AZI2: variants seen among roughly 807,000 people sequenced by gnomAD.
The protein encoded by AZI2 is 5-azacytidine induced 2, also known as 5-azacytidine-induced protein 2.
A neutral mutation model predicts 45.8 loss-of-function variants in AZI2; 22 were observed. The ratio of observed to expected loss-of-function variants is 0.48; its 90% confidence interval spans 0.34 to 0.69. The LOEUF is 0.69. Ranked by LOEUF, AZI2 falls within the 30% of genes least tolerant of loss-of-function variation. The pLI, the probability that AZI2 is intolerant of heterozygous loss-of-function variation, is 0.01. For missense variants in AZI2, 417 were observed against 441.5 expected (o/e 0.94, Z 0.50); for synonymous variants, 137 against 156.7 (o/e 0.87, Z 0.94).
chr3:28,345,782 C>T (rs1030039626), intron 1 of AZI2, among the ~76,000 whole-genome samples: 3 of 152,014 alleles, frequency 2.0e-5, no homozygotes, highest in Admixed American at 6.6e-5. Context: ...TCATATGCTA[C>T]GTATGTCAAA....
intron 5 of AZI2, among the ~76,000 whole-genome samples, chr3:28,335,609 C>G (rs1466033445): frequency 6.6e-6 from 1 of 151,896 alleles, no homozygotes; most frequent in Non-Finnish European, 1.5e-5. Flanking sequence ...ATTCATTTGG[C>G]CAAGGACTAG....
chr3:28,332,507 A>G, intron 5 of AZI2, 80 bp from the exon 6 acceptor site: 1 of 1,211,470 alleles, frequency 8.3e-7, no homozygotes, highest in Non-Finnish European at 1.2e-6. Context: ...CTTACCAGAG[A>G]CATGTTCAGG....
At position 28,337,995 on chromosome 3, in the gene AZI2, C is replaced by T; in HGVS notation, c.381G>A (p.Gln127=). 1 of 1,598,942 alleles carries T rather than the reference C, an allele frequency of 6.3e-7. No individual in the cohort carries two copies. The highest frequency in any genetic ancestry group is 8.5e-7 in the Non-Finnish European group (1 of 1,171,886). ...NSESLKVLNE[Q]LQSKEVELLQ... is the part of the protein sequence containing the mutation. ...GGAGTTCTACTTCTTTAGATTGTAG[C>T]TGCTCATTCAATACTTTCAAAGATT... Residue 127 remains glutamine, a synonymous_variant, in exon 4 of 8, where the codon CAG becomes CAA. Coordinates refer to ENST00000479665, the MANE Select transcript of AZI2 (RefSeq NM_022461.5).
At chr3:28,342,068 C>A (rs1424235888) in intron 1 of AZI2, among the ~76,000 whole-genome samples, 1 of 152,066 alleles carries the variant, frequency 6.6e-6, no homozygotes, top group African/African-American at 2.4e-5. Flanking sequence ...TTTAACATTT[C>A]TTTTGCCTTA....
At chr3:28,345,407 G>C (rs571102824) in intron 1 of AZI2, among the ~76,000 whole-genome samples, 1 of 152,134 alleles carries the variant, frequency 6.6e-6, no homozygotes, top group African/African-American at 2.4e-5. Flanking sequence ...ATATAGTGGG[G>C]TGTTAAATAA....
chr3:28,324,500 G>C, intron 7 of AZI2, 46 bp from the exon 8 acceptor site: 1 of 1,393,850 alleles, frequency 7.2e-7, no homozygotes, highest in African/African-American at 1.4e-5. Flanking sequence ...TTACATTTGT[G>C]ATCATAAAAT....
intron 1 of AZI2, among the ~76,000 whole-genome samples, chr3:28,346,684 T>G (rs918541063): frequency 6.6e-6 from 1 of 152,140 alleles, no homozygotes; most frequent in Non-Finnish European, 1.5e-5. Context: ...CCGAACCTAT[T>G]TCGTACAATC....
chr3:28,344,764 A>C (rs1024592806), intron 1 of AZI2, among the ~76,000 whole-genome samples: 5 of 152,130 alleles, frequency 3.3e-5, no homozygotes, highest in African/African-American at 1.2e-4. Context: ...ATGCTCTTAA[A>C]ATAATAAATC....
At position 28,323,189 on chromosome 3, in the gene AZI2, CTT is replaced by C. The variant is rs1217987096; in HGVS notation, c.*851_*852del. ...CACAATGTGCAGCTAGCTGTAGTCT[CTT>C]TGAAGAAAATGACTTTTTATCATTA... On this transcript the variant is annotated 3_prime_UTR_variant, in exon 8 of 8. Transcript: ENST00000479665. 4 of 151,000 alleles carry C rather than the reference CTT, an allele frequency of 2.6e-5. No homozygotes were observed. Among genetic ancestry groups the C allele is most frequent in the South Asian group, 2.1e-4 (1 of 4,826 alleles). 9.4% of individuals were successfully genotyped at this position (151,000 alleles called of 1,614,324 possible).
intron 7 of AZI2, among the ~76,000 whole-genome samples, chr3:28,325,579 T>C (rs779013885): frequency 5.3e-5 from 8 of 151,154 alleles, no homozygotes; most frequent in South Asian, 2.1e-4. Flanking sequence ...AGAAAACTTA[T>C]GTTCCAAAGC....
chr3:28,330,017 T>C (rs975523369), intron 6 of AZI2, among the ~76,000 whole-genome samples: 13 of 151,288 alleles, frequency 8.6e-5, no homozygotes, highest in Non-Finnish European at 1.3e-4. Context: ...TCTTTTTTTT[T>C]CTAAACCTGG....
chr3:28,344,597 T>C (rs1032857294), intron 1 of AZI2, among the ~76,000 whole-genome samples: 1 of 152,064 alleles, frequency 6.6e-6, no homozygotes, highest in African/African-American at 2.4e-5. Context: ...TGTGTGTGTG[T>C]ATCCAAATCA....
At chr3:28,342,501 T>A (rs1476581241) in intron 1 of AZI2, among the ~76,000 whole-genome samples, 1 of 152,072 alleles carries the variant, frequency 6.6e-6, no homozygotes, top group Non-Finnish European at 1.5e-5. Flanking sequence ...TTTCTCCTAA[T>A]GATGAAAAGT....
chr3:28,340,234 T>C (rs1480292891), intron 2 of AZI2, among the ~76,000 whole-genome samples, 168 bp downstream of exon 2: 2 of 152,108 alleles, frequency 1.3e-5, no homozygotes, highest in African/African-American at 4.8e-5. Flanking sequence ...GTACATGGTA[T>C]GTGAAACACA....
rs1703293414 is a variant in AZI2 at position 28,324,200 on chromosome 3, T to G, written c.1021A>C (p.Arg341=). The G allele has an allele frequency of 6.2e-7, 1 of 1,610,688 alleles. No homozygotes were observed. Among genetic ancestry groups the G allele is most frequent in the South Asian group, 1.1e-5 (1 of 91,006 alleles). Residue 341 remains arginine (R), a synonymous_variant, in exon 8 of 8, where the codon AGA becomes CGA. Transcript: ENST00000479665. ...CAGGAATTGTCTTCCAGAGAATTTC[T>G]GCCATAAGAACTGTGTTCCTGAAAG... ...TCFQEHSSYG[R]NSLEDNSWVF... is the part of the protein sequence containing the mutation.
rs375219835 is a variant in AZI2, at chr3:28,338,613, T to C, written c.219A>G (p.Leu73=). The part of the protein sequence containing the change: ...KKRIRFLEEK[L]IARFEEETSS... The stretch of plus-strand genomic sequence containing the variant: ...TTGTTTCTTCTTCAAATCGAGCTAT[T>C]AGCTAACGGTATGAAATTAGAAGAG... The change falls in exon 3 of 8, where the codon CTA becomes CTG. Residue 73 remains leucine (L), a splice_region_variant and synonymous_variant. Transcript: ENST00000479665. The C allele has an allele frequency of 5.6e-6, 9 of 1,607,768 alleles. No homozygotes were observed. The highest frequency in any genetic ancestry group is 7.6e-6 in the Non-Finnish European group (9 of 1,177,168).
At chr3:28,340,187 C>T (rs1703954895) in intron 2 of AZI2, among the ~76,000 whole-genome samples, 1 of 151,224 alleles carries the variant, frequency 6.6e-6, no homozygotes, top group African/African-American at 2.4e-5. Flanking sequence ...GAATATAACT[C>T]CAAGTTGTTA....
At chr3:28,331,099 G>A (rs1703552570) in intron 6 of AZI2, among the ~76,000 whole-genome samples, 1 of 151,162 alleles carries the variant, frequency 6.6e-6, no homozygotes, top group African/African-American at 2.4e-5. Flanking sequence ...AATTCTTAGT[G>A]GATATGACCC....
chr3:28,338,037 C>G lies in AZI2; in HGVS notation c.340-1G>C. On this transcript the variant is annotated splice_acceptor_variant, in intron 3 of 7. Coordinates refer to ENST00000479665, the MANE Select transcript of AZI2 (RefSeq NM_022461.5). LOFTEE classifies it high-confidence loss of function. The stretch of plus-strand genomic sequence containing the variant: ...TCAAAGATTCAGAGTTGTCTTTATT[C>G]TAGTTAAGTAGGGAAAATGCCAAAT... 1.3e-6 allele frequency: 2 copies of G among 1,542,564 alleles called. No homozygotes were observed. Among genetic ancestry groups the G allele is most frequent in the Non-Finnish European group, 1.8e-6 (2 of 1,135,510 alleles).
Sources: gnomAD v4.1 joint callset for allele counts (sites outside exome capture counted in the v4.1 genomes callset) on GRCh38, gnomAD v4.1.1 for gene constraint, MANE v1.5 for transcripts, NCBI Gene and HGNC (gene_info 2026-07-23, HGNC 2026-07-21) for gene names.